Variants in MIPOL1 observed in about 807,000 individuals in gnomAD.
MIPOL1 encodes mirror-image polydactyly 1, also known as mirror-image polydactyly gene 1 protein.
A neutral mutation model predicts 60.9 loss-of-function variants in MIPOL1; 57 were observed. The observed-to-expected ratio is 0.94, with a 90% CI of 0.76 to 1.17. MIPOL1 has a LOEUF of 1.17. Among genes scored for constraint, MIPOL1 ranks in the 50% most tolerant of loss-of-function variants. The pLI is 0.00. For missense variants in MIPOL1, 551 were observed against 511.6 expected (o/e 1.08, Z -0.74); for synonymous variants, 179 against 168.8 (o/e 1.06, Z -0.47).
chr14:37,263,148 G>A (rs1179649212), intron 3 of MIPOL1, among the ~76,000 whole-genome samples: 1 of 152,134 alleles, frequency 6.6e-6, no homozygotes, highest in East Asian at 1.9e-4. Context: ...CAATGGTATT[G>A]TAACACTGTT....
At chr14:37,282,747 C>CAAAAAAA (rs59301708) in intron 6 of MIPOL1, among the ~76,000 whole-genome samples, 5 of 67,874 alleles carry the variant, frequency 7.4e-5, no homozygotes, top group African/African-American at 1.9e-4. Flanking sequence ...GACCCTGTCT[C>CAAAAAAA]AAAAAAAAAA....
At chr14:37,306,062 T>C (rs1221064570) in intron 7 of MIPOL1, among the ~76,000 whole-genome samples, 1 of 151,890 alleles carries the variant, frequency 6.6e-6, no homozygotes, top group Non-Finnish European at 1.5e-5. Flanking sequence ...TAAGAACTTT[T>C]GATTCTGATT....
At chr14:37,282,576 C>CA (rs956623449) in intron 6 of MIPOL1, among the ~76,000 whole-genome samples, 2 of 151,104 alleles carry the variant, frequency 1.3e-5, no homozygotes, top group Non-Finnish European at 3.0e-5. Flanking sequence ...CTTGTCTCTA[C>CA]AAAAAAATAA....
intron 11 of MIPOL1, chr14:37,423,671 T>C (rs1412590254): frequency 6.6e-6 from 1 of 152,096 alleles, no homozygotes; most frequent in Non-Finnish European, 1.5e-5. Flanking sequence ...TAAAAAATCC[T>C]CAAGTCTGAA....
chr14:37,294,890 A>T (rs1460686692), intron 7 of MIPOL1, among the ~76,000 whole-genome samples: 1 of 152,198 alleles, frequency 6.6e-6, no homozygotes, highest in Non-Finnish European at 1.5e-5. Flanking sequence ...GCAGGATATC[A>T]TCCAGGAGAA....
At chr14:37,288,490 G>A (rs1255489241) in intron 7 of MIPOL1, among the ~76,000 whole-genome samples, 1 of 152,000 alleles carries the variant, frequency 6.6e-6, no homozygotes, top group Non-Finnish European at 1.5e-5. Context: ...GCTACTTGTG[G>A]CAATAGCAAG....
intron 12 of MIPOL1, chr14:37,506,022 T>C (rs1306096849): frequency 6.6e-6 from 1 of 152,000 alleles, no homozygotes; most frequent in Non-Finnish European, 1.5e-5. Context: ...GAGAATAAAA[T>C]ACCTGTGAAT....
In MIPOL1 at chr14:37,548,686, C is replaced by G. The variant is rs2095554300; in HGVS notation, c.*1715C>G. 6.6e-6 allele frequency: 1 copy of G among 151,924 alleles called. No individual in the cohort carries two copies. Among genetic ancestry groups the G allele is most frequent in the Non-Finnish European group, 1.5e-5 (1 of 67,850 alleles). 9.4% of individuals were successfully genotyped at this position (151,924 alleles called of 1,614,324 possible). On this transcript the variant is annotated 3_prime_UTR_variant, in exon 13 of 13. Transcript: ENST00000684589. ...ATTTTTGTCACAAAGTAGTCCATTC[C>G]TGATCTCACTTAAAATAAATCACAA...
intron 6 of MIPOL1, among the ~76,000 whole-genome samples, chr14:37,285,095 CCTTTAAATTTTTG>C: frequency 6.6e-6 from 1 of 152,228 alleles, no homozygotes; most frequent in Middle Eastern, 3.4e-3. Context: ...TATTATCAGA[CCTTTAAATTTTTG>C]CTTTAAATTT....
chr14:37,408,035 AT>A (rs975090803), intron 10 of MIPOL1, among the ~76,000 whole-genome samples: 73 of 149,802 alleles, frequency 4.9e-4, no homozygotes, highest in African/African-American at 1.5e-3. Context: ...TTATTTATTT[AT>A]TTTATTTTTT....
chr14:37,462,577 C>G (rs983101831), intron 11 of MIPOL1, among the ~76,000 whole-genome samples: 2 of 152,160 alleles, frequency 1.3e-5, no homozygotes, highest in African/African-American at 4.8e-5. Context: ...AACTTTTATG[C>G]TCTGTTTCCT....
At chr14:37,360,695 G>T (rs2092177430) in intron 9 of MIPOL1, among the ~76,000 whole-genome samples, 3 of 152,086 alleles carry the variant, frequency 2.0e-5, no homozygotes, top group African/African-American at 7.2e-5. Flanking sequence ...GCGTCTGTTT[G>T]ATTCTTCCCT....
intron 11 of MIPOL1, among the ~76,000 whole-genome samples, chr14:37,477,356 A>G (rs1389421403): frequency 2.6e-5 from 4 of 151,996 alleles, no homozygotes; most frequent in Admixed American, 6.6e-5. Context: ...TGGTGCTTCC[A>G]TTTTTGGAAT....
chr14:37,411,285 A>G (rs1454090110), intron 10 of MIPOL1, among the ~76,000 whole-genome samples: 2 of 152,146 alleles, frequency 1.3e-5, no homozygotes, highest in African/African-American at 4.8e-5. Flanking sequence ...CAGTGATGTT[A>G]CACAACACAT....
rs141498136 is a variant in MIPOL1, at chr14:37,476,533, A to T, written c.1032-23375A>T. 2.1e-4 allele frequency among the ~76,000 whole-genome samples: 32 copies of T among 152,300 alleles called. No homozygotes were observed. In the East Asian group the frequency reaches 5.6e-3, roughly 27 times the overall value. On this transcript the variant is annotated intron_variant, in intron 11 of 12. Coordinates refer to ENST00000684589, the MANE Select transcript of MIPOL1 (RefSeq NM_001388067.1). ...TCTTGATCGTAGGGGTAAAGCATCT[A>T]ATATCCTACCATTAAGTATGATAAC...
rs1169091128 is a variant in MIPOL1, at chr14:37,443,607, A to G, written c.1031+20658A>G. On this transcript the variant is annotated intron_variant, in intron 11 of 12. Coordinates refer to ENST00000684589, the MANE Select transcript of MIPOL1 (RefSeq NM_001388067.1). ...TAAGAAAGACATAATAACAGTCTTA[A>G]CACAAACATTTTCAGAACATAAAAG... Among the ~76,000 whole-genome samples, 4 of 152,166 alleles carry G rather than the reference A, an allele frequency of 2.6e-5. No individual in the cohort carries two copies. The East Asian group carries it at 7.7e-4, about 29-fold the overall frequency.
rs2095561052 is a variant in MIPOL1, at chr14:37,551,241, T to C, written c.*4270T>C. 6.6e-6 allele frequency: 1 copy of C among 152,096 alleles called. No individual in the cohort carries two copies. Among genetic ancestry groups the C allele is most frequent in the Non-Finnish European group, 1.5e-5 (1 of 68,004 alleles). The allele number at this position is 152,096 out of a possible 1,614,324, so 9.4% of individuals were successfully genotyped here. On this transcript the variant is annotated 3_prime_UTR_variant, in exon 13 of 13. Coordinates refer to ENST00000684589, the MANE Select transcript of MIPOL1 (RefSeq NM_001388067.1). ...ATATTTACTTTGTACTCAAATAAAA[T>C]CCCCTATTGCAAATCCTATACATAT...
chr14:37,361,899 G>T (rs143116327), intron 9 of MIPOL1, among the ~76,000 whole-genome samples: 207 of 152,074 alleles, frequency 1.4e-3, no homozygotes, highest in South Asian at 2.9e-3. Flanking sequence ...ACTTTTGTTG[G>T]TTTAAAGTCT....
intron 9 of MIPOL1, among the ~76,000 whole-genome samples, chr14:37,321,162 G>A (rs1276363788): frequency 6.6e-6 from 1 of 151,866 alleles, no homozygotes; most frequent in Non-Finnish European, 1.5e-5. Flanking sequence ...AGCAAGATTG[G>A]CATCTTAGCA....
Sources: gnomAD v4.1 joint callset for allele counts (sites outside exome capture counted in the v4.1 genomes callset) on GRCh38, gnomAD v4.1.1 for gene constraint, MANE v1.5 for transcripts, NCBI Gene and HGNC (gene_info 2026-07-23, HGNC 2026-07-21) for gene names.